MEMO1: variants seen among roughly 807,000 people sequenced by gnomAD.
MEMO1 encodes the protein protein MEMO1.
In MEMO1, 6 loss-of-function variants were observed where a neutral mutation model predicts 45.2. The ratio of observed to expected loss-of-function variants is 0.13; its 90% CI spans 0.07 to 0.26. The LOEUF is 0.26. MEMO1 is among the 10% of genes least tolerant of loss of function. The pLI, the probability that MEMO1 is intolerant of heterozygous loss-of-function variation, is 1.00. For synonymous variants in MEMO1, 78 were observed against 124.3 expected, an observed-to-expected ratio of 0.63 and a Z score of 2.48; for missense variants, 184 against 370.5, an observed-to-expected ratio of 0.50 and a Z score of 4.13.
intron 2 of MEMO1, among the ~76,000 whole-genome samples, chr2:32,003,448 CAGGGACTTGTTACAT>C (rs1225756103): frequency 1.3e-5 from 2 of 152,116 alleles, no homozygotes; most frequent in African/African-American, 2.4e-5. Flanking sequence ...TTTCTTAACA[CAGGGACTTGTTACAT>C]AGGGTATATG....
intron 2 of MEMO1, among the ~76,000 whole-genome samples, chr2:31,982,201 T>G (rs1414429514): frequency 4.5e-4 from 59 of 131,900 alleles, no homozygotes; most frequent in Middle Eastern, 4.8e-3. Context: ...GGAGGCTGAG[T>G]CAGGAGAATC....
chr2:31,923,717 A>C, intron 4 of MEMO1: 5 of 1,546,080 alleles, frequency 3.2e-6, no homozygotes, highest in Non-Finnish European at 4.4e-6. Context: ...ATTTAACATC[A>C]GAGCACTCCT....
intron 6 of MEMO1, among the ~76,000 whole-genome samples, chr2:31,901,231 G>C (rs1678744722): frequency 6.6e-6 from 1 of 151,436 alleles, no homozygotes; most frequent in African/African-American, 2.4e-5. Context: ...AAATTAGCCG[G>C]GTGTGGTGGC....
At chr2:31,947,221 G>A (rs1243742504) in intron 2 of MEMO1, among the ~76,000 whole-genome samples, 3 of 152,126 alleles carry the variant, frequency 2.0e-5, no homozygotes, top group Non-Finnish European at 4.4e-5. Flanking sequence ...CCACCCCACT[G>A]CCAACAACCT....
chr2:31,974,031 A>AT (rs1478652908), intron 2 of MEMO1, among the ~76,000 whole-genome samples: 10 of 152,242 alleles, frequency 6.6e-5, no homozygotes, highest in Non-Finnish European at 4.4e-5. Flanking sequence ...ATAGGAGTTC[A>AT]TAAGTGTGAT....
intron 2 of MEMO1, among the ~76,000 whole-genome samples, chr2:32,005,100 G>A (rs1006515804): frequency 2.0e-5 from 3 of 151,942 alleles, no homozygotes; most frequent in Non-Finnish European, 4.4e-5. Context: ...GAATTGTCAC[G>A]CAACAGAATG....
intron 2 of MEMO1, among the ~76,000 whole-genome samples, chr2:31,971,224 GCA>G (rs1490920705): frequency 1.3e-5 from 2 of 151,988 alleles, no homozygotes; most frequent in Admixed American, 6.6e-5. Context: ...CCTAACATAG[GCA>G]CAGTCACCCA....
chr2:31,938,816 C>CA (rs796100239), intron 3 of MEMO1, among the ~76,000 whole-genome samples: 2 of 142,816 alleles, frequency 1.4e-5, no homozygotes, highest in African/African-American at 5.2e-5. Context: ...GACAGGGTCT[C>CA]ACTCCCATTA....
Position 31,990,792 on chromosome 2 carries a change from T to C in MEMO1, c.61+19395A>G, listed in dbSNP as rs1671855839. The stretch of plus-strand genomic sequence containing the variant: ...ACATAACCCACATAAATAAAAACTC[T>C]TTAGGGCTATCAATAATTTTGAAGG... On this transcript the variant is annotated intron_variant, in intron 2 of 9. Coordinates refer to ENST00000404530, the MANE Select transcript of MEMO1 (RefSeq NM_001301833.4). Among the ~76,000 whole-genome samples the C allele has an allele frequency of 2.0e-5, 3 of 152,092 alleles. No individual in the cohort carries two copies. The South Asian group carries it at 6.2e-4, about 32-fold the overall frequency.
intron 2 of MEMO1, among the ~76,000 whole-genome samples, chr2:31,974,797 T>C (rs1463950753): frequency 3.3e-5 from 5 of 150,476 alleles, no homozygotes; most frequent in African/African-American, 4.9e-5. Flanking sequence ...CAAAAAAAAA[T>C]TGGTAGTGAA....
chr2:31,879,183 G>C (rs1674995306), intron 8 of MEMO1, among the ~76,000 whole-genome samples: 1 of 152,116 alleles, frequency 6.6e-6, no homozygotes, highest in African/African-American at 2.4e-5. Flanking sequence ...TTCCAATTTA[G>C]ATTCTAAGCT....
At chr2:31,943,030 C>G (rs1035506968) in intron 3 of MEMO1, among the ~76,000 whole-genome samples, 1 of 152,080 alleles carries the variant, frequency 6.6e-6, no homozygotes, top group East Asian at 1.9e-4. Flanking sequence ...TGAGCGAGAC[C>G]GAGGCAGGTG....
chr2:31,982,857 AG>A, intron 2 of MEMO1, among the ~76,000 whole-genome samples: 1 of 152,192 alleles, frequency 6.6e-6, no homozygotes, highest in South Asian at 2.1e-4. Flanking sequence ...TGAGGAGAGA[AG>A]TTACAGATAA....
At chr2:31,925,776 C>T (rs796192810) in intron 4 of MEMO1, among the ~76,000 whole-genome samples, 11 of 152,306 alleles carry the variant, frequency 7.2e-5, no homozygotes, top group African/African-American at 2.6e-4. Context: ...CATGCACTAG[C>T]AGTCCTATTT....
At chr2:31,871,174 T>A (rs990514554) in intron 8 of MEMO1, among the ~76,000 whole-genome samples, 58 of 152,254 alleles carry the variant, frequency 3.8e-4, no homozygotes, top group African/African-American at 1.4e-3. Flanking sequence ...ATTATTTTCT[T>A]ATTCAGTTAA....
At chr2:31,869,826 A>T in intron 9 of MEMO1, 22 bp downstream of exon 9, 1 of 1,565,784 alleles carries the variant, frequency 6.4e-7, no homozygotes, top group Non-Finnish European at 8.6e-7. Context: ...GTTAAAAGTC[A>T]AGGCTTCCTA....
At chr2:31,920,765 T>C (rs543975103) in intron 5 of MEMO1, 33 bp downstream of exon 5, 4 of 1,241,224 alleles carry the variant, frequency 3.2e-6, no homozygotes, top group Non-Finnish European at 4.4e-6. Flanking sequence ...GAACATTAGC[T>C]ATTTGAAAGC....
chr2:32,002,372 TTATA>T (rs1409881560), intron 2 of MEMO1, among the ~76,000 whole-genome samples: 2 of 149,786 alleles, frequency 1.3e-5, no homozygotes, highest in Non-Finnish European at 3.0e-5. Flanking sequence ...AGGAAATCCT[TTATA>T]TAAGCCACAA....
chr2:31,992,547 GCCGAGGTGGGTGGATCA>G (rs1672073325), intron 2 of MEMO1, among the ~76,000 whole-genome samples: 1 of 152,242 alleles, frequency 6.6e-6, no homozygotes. Context: ...ACTTTGGGAG[GCCGAGGTGGGTGGATCA>G]CCTGAGTTCA....
Sources: gnomAD v4.1 joint callset for allele counts (sites outside exome capture counted in the v4.1 genomes callset) on GRCh38, gnomAD v4.1.1 for gene constraint, MANE v1.5 for transcripts, NCBI Gene and HGNC (gene_info 2026-07-23, HGNC 2026-07-21) for gene names.